SPOCK1: variants seen among roughly 807,000 people sequenced by gnomAD.
SPOCK1 encodes the protein testican-1.
In SPOCK1, 23 loss-of-function variants were observed where a neutral mutation model predicts 55.3. That is an observed-to-expected ratio of 0.42 (90% CI 0.30 to 0.59). SPOCK1 has a LOEUF of 0.59. SPOCK1 is among the 20% of genes least tolerant of loss of function. The pLI is 0.22. For missense variants in SPOCK1, 499 were observed against 552.5 expected (o/e 0.90, Z 0.97); for synonymous variants, 226 against 221.0 (o/e 1.02, Z -0.20).
intron 5 of SPOCK1, among the ~76,000 whole-genome samples, chr5:137,082,229 C>T (rs1376332350): frequency 6.6e-6 from 1 of 152,200 alleles, no homozygotes; most frequent in African/African-American, 2.4e-5. Flanking sequence ...AGCAGACAAA[C>T]TCACAAGGCT....
chr5:137,240,050 A>G (rs1007575311), intron 3 of SPOCK1, among the ~76,000 whole-genome samples: 5 of 152,234 alleles, frequency 3.3e-5, no homozygotes, highest in African/African-American at 1.2e-4. Flanking sequence ...AGAAAATTCC[A>G]TGTAAAATAG....
chr5:137,111,381 A>G (rs947911012), intron 5 of SPOCK1, among the ~76,000 whole-genome samples: 5 of 152,174 alleles, frequency 3.3e-5, no homozygotes, highest in African/African-American at 1.2e-4. Flanking sequence ...AGGAAGACAG[A>G]TGAAAATGGT....
At chr5:137,133,326 C>T (rs980087206) in intron 4 of SPOCK1, among the ~76,000 whole-genome samples, 3 of 150,146 alleles carry the variant, frequency 2.0e-5, no homozygotes, top group Non-Finnish European at 4.4e-5. Flanking sequence ...GCCAAGATTG[C>T]ACCACTGCAC....
In SPOCK1 at chr5:137,051,009, A is replaced by C. The variant is rs62387907; in HGVS notation, c.589+16706T>G. On this transcript the variant is annotated intron_variant, in intron 6 of 10. Coordinates refer to ENST00000394945, the MANE Select transcript of SPOCK1 (RefSeq NM_004598.4). ...ATCAATTCTTCTCCAATTACTTTGT[A>C]AATCCAATCTAAATATCATTTCTTT... Among the ~76,000 whole-genome samples, 1,523 of 152,364 alleles carry C rather than the reference A, an allele frequency of 1.0e-2. 15 individuals carry two copies. Among genetic ancestry groups the C allele is most frequent in the Admixed American group, 0.014 (218 of 15,310 alleles).
chr5:137,032,986 A>G (rs1330959759), intron 6 of SPOCK1, among the ~76,000 whole-genome samples: 2 of 152,236 alleles, frequency 1.3e-5, no homozygotes, highest in Non-Finnish European at 2.9e-5. Context: ...TCACAGCCTC[A>G]GTGCAGCTAA....
At position 137,140,545 on chromosome 5, in the gene SPOCK1, C is replaced by G; in HGVS notation, c.347+35G>C. ...CTCAGATCTGCCAGCTGCAGAATGC[C>G]TCCCAGCCCCCAGCCCCCGGCCTTC... On this transcript the variant is annotated intron_variant, in intron 4 of 10. Coordinates refer to ENST00000394945, the MANE Select transcript of SPOCK1 (RefSeq NM_004598.4). 7 of 1,571,294 alleles carry G rather than the reference C, an allele frequency of 4.5e-6. No individual in the cohort carries two copies. The South Asian group carries it at 8.1e-5, about 18-fold the overall frequency.
chr5:137,038,100 C>T (rs761919403), intron 6 of SPOCK1, among the ~76,000 whole-genome samples: 1 of 152,176 alleles, frequency 6.6e-6, no homozygotes, highest in Non-Finnish European at 1.5e-5. Flanking sequence ...GAAGCAAAAG[C>T]CTCATGGATT....
chr5:137,394,771 G>GT (rs1751805374), intron 2 of SPOCK1, among the ~76,000 whole-genome samples: 1 of 152,214 alleles, frequency 6.6e-6, no homozygotes, highest in African/African-American at 2.4e-5. Context: ...GTTATAAAGT[G>GT]TAATAGGGTT....
At chr5:137,061,012 C>T (rs1044761394) in intron 6 of SPOCK1, among the ~76,000 whole-genome samples, 1 of 151,986 alleles carries the variant, frequency 6.6e-6, no homozygotes, top group African/African-American at 2.4e-5. Flanking sequence ...ATAACAAGGC[C>T]CTAAAAAATA....
At chr5:137,225,366 C>T (rs1407451888) in intron 3 of SPOCK1, among the ~76,000 whole-genome samples, 1 of 152,134 alleles carries the variant, frequency 6.6e-6, no homozygotes, top group Non-Finnish European at 1.5e-5. Flanking sequence ...ATAATGTCTA[C>T]AATGCTTGGC....
chr5:137,457,250 C>T (rs1002429518), intron 2 of SPOCK1, among the ~76,000 whole-genome samples: 4 of 152,082 alleles, frequency 2.6e-5, no homozygotes, highest in Non-Finnish European at 4.4e-5. Context: ...AAAATAGACA[C>T]GAATGGGTTG....
At chr5:137,455,772 T>C (rs1019821160) in intron 2 of SPOCK1, among the ~76,000 whole-genome samples, 3 of 152,120 alleles carry the variant, frequency 2.0e-5, no homozygotes, top group Admixed American at 6.6e-5. Flanking sequence ...CTCACACCTG[T>C]AATCCCAGCA....
chr5:137,184,140 T>A lies in SPOCK1; in HGVS notation c.233-43446A>T, dbSNP rs10068229. Among the ~76,000 whole-genome samples the A allele has an allele frequency of 2.3e-3, 344 of 152,328 alleles. 2 individuals carry two copies. The highest frequency in any genetic ancestry group is 7.6e-3 in the African/African-American group (317 of 41,570). On this transcript the variant is annotated intron_variant, in intron 3 of 10. Transcript: ENST00000394945. ...AATTTTACCAATTTTTAAGTGTAGT[T>A]TTGCTTTCCTCAATGACCATGTAAA...
chr5:137,460,143 G>A (rs1007335674), intron 2 of SPOCK1, among the ~76,000 whole-genome samples: 4 of 152,196 alleles, frequency 2.6e-5, no homozygotes, highest in African/African-American at 9.6e-5. Context: ...AAGCATCTGA[G>A]CAGGTACATT....
intron 3 of SPOCK1, among the ~76,000 whole-genome samples, chr5:137,144,420 A>G (rs919333312): frequency 4.6e-5 from 7 of 152,246 alleles, no homozygotes; most frequent in Non-Finnish European, 8.8e-5. Flanking sequence ...ACAGAAATCA[A>G]GTCTGCTAAA....
intron 6 of SPOCK1, among the ~76,000 whole-genome samples, chr5:137,001,013 TA>T (rs1751138230): frequency 6.6e-6 from 1 of 151,934 alleles, no homozygotes; most frequent in African/African-American, 2.4e-5. Context: ...AAAAAATAAA[TA>T]AATAAAAAAT....
At chr5:137,148,747 C>CA (rs35440124) in intron 3 of SPOCK1, among the ~76,000 whole-genome samples, 19,297 of 152,112 alleles carry the variant, frequency 0.13, 1,392 homozygotes, top group South Asian at 0.22. Context: ...CTTAATTTAC[C>CA]AACTGGTAAC....
chr5:137,202,921 T>C (rs1165853088), intron 3 of SPOCK1, among the ~76,000 whole-genome samples: 1 of 152,252 alleles, frequency 6.6e-6, no homozygotes, highest in Non-Finnish European at 1.5e-5. Context: ...AAGAACATCA[T>C]ACATATTCAC....
At chr5:137,096,281 G>T (rs1183213336) in intron 5 of SPOCK1, among the ~76,000 whole-genome samples, 1 of 150,170 alleles carries the variant, frequency 6.7e-6, no homozygotes, top group Non-Finnish European at 1.5e-5. Context: ...ATAAAACAGT[G>T]ACCCTTCCCA....
Sources: allele counts gnomAD v4.1 joint callset (sites outside exome capture counted in the v4.1 genomes callset), GRCh38; gene constraint gnomAD v4.1.1; transcripts MANE v1.5; gene names NCBI Gene and HGNC (gene_info 2026-07-23, HGNC 2026-07-21).